MBP: variants seen among roughly 807,000 people sequenced by gnomAD.
The protein encoded by MBP is myelin basic protein, also known as Golli-MBP.
Under a neutral mutation model 35.8 loss-of-function variants are expected in MBP, and 16 were observed. The observed-to-expected ratio is 0.45, with a 90% CI of 0.30 to 0.68. The LOEUF (loss-of-function observed/expected upper bound fraction) is 0.68. Ranked by LOEUF, MBP falls within the 30% of genes least tolerant of loss-of-function variation. The pLI, the probability that MBP is intolerant of heterozygous loss-of-function variation, is 0.08. For missense variants in MBP, 380 were observed against 404.7 expected (o/e 0.94, Z 0.52); for synonymous variants, 143 against 159.6 (o/e 0.90, Z 0.78).
intron 3 of MBP, among the ~76,000 whole-genome samples, chr18:77,050,046 C>A (rs904634207): frequency 6.6e-6 from 1 of 152,208 alleles, no homozygotes; most frequent in Non-Finnish European, 1.5e-5. Context: ...GTGCTATTTT[C>A]ATTTTTTACT....
chr18:77,046,044 T>A (rs943351055), intron 3 of MBP, among the ~76,000 whole-genome samples: 4 of 152,240 alleles, frequency 2.6e-5, no homozygotes, highest in Non-Finnish European at 5.9e-5. Flanking sequence ...TAATATTATA[T>A]GAACTAGAAA....
chr18:77,032,984 T>A (rs4890879), intron 3 of MBP, among the ~76,000 whole-genome samples: 64,648 of 152,046 alleles, frequency 0.43, 14,762 homozygotes, highest in East Asian at 0.51. Context: ...TTTTTATTTT[T>A]TGAGGCTGAG....
At chr18:77,098,055 C>T (rs1426570174) in intron 2 of MBP, among the ~76,000 whole-genome samples, 2 of 152,128 alleles carry the variant, frequency 1.3e-5, no homozygotes, top group Non-Finnish European at 2.9e-5. Flanking sequence ...CCCAGGGAGT[C>T]CTGCTTCTGT....
chr18:77,010,002 T>C, intron 4 of MBP: 1 of 1,031,754 alleles, frequency 9.7e-7, no homozygotes, highest in Non-Finnish European at 1.5e-6. Flanking sequence ...CTCCAGCAAA[T>C]CTCCTCTAGA....
chr18:77,027,690 A>ATTAT (rs1168543063), intron 3 of MBP, among the ~76,000 whole-genome samples: 1 of 152,172 alleles, frequency 6.6e-6, no homozygotes, highest in Non-Finnish European at 1.5e-5. Context: ...ACAGAAAAAA[A>ATTAT]TTATTTATTT....
At chr18:76,999,491 T>A (rs1970517683) in intron 4 of MBP, among the ~76,000 whole-genome samples, 1 of 151,788 alleles carries the variant, frequency 6.6e-6, no homozygotes, top group African/African-American at 2.4e-5. Flanking sequence ...AGTCTCACTC[T>A]GTTGTCCAGG....
chr18:77,009,839 G>A lies in MBP; in HGVS notation c.576+6993C>T, dbSNP rs376863446. 1.6e-4 allele frequency: 250 copies of A among 1,572,538 alleles called. No individual in the cohort carries two copies. The East Asian group carries it at 3.0e-3, about 19-fold the overall frequency. The stretch of plus-strand genomic sequence containing the variant: ...TGGCCCCGATGGGTGAGGACCCGCC[G>A]GCGTCTTACCTTGTACATGTTGCAC... On this transcript the variant is annotated intron_variant, in intron 4 of 8. Coordinates refer to ENST00000355994, the MANE Select transcript of MBP (RefSeq NM_001025101.2).
At chr18:76,998,580 C>T (rs531788597) in intron 4 of MBP, among the ~76,000 whole-genome samples, 1 of 152,314 alleles carries the variant, frequency 6.6e-6, no homozygotes, top group African/African-American at 2.4e-5. Context: ...CTCCTTTCCC[C>T]AACAGCCTGA....
At chr18:77,075,118 GGCTTCTGTCACGGCAGGTGGAATCACT>G (rs1974600806) in intron 2 of MBP, among the ~76,000 whole-genome samples, 1 of 152,190 alleles carries the variant, frequency 6.6e-6, no homozygotes, top group South Asian at 2.1e-4. Flanking sequence ...GAGGAGAAAG[GGCTTCTGTCACGGCAGGTGGAATCACT>G]GAAGTATCTA....
intron 2 of MBP, among the ~76,000 whole-genome samples, chr18:77,096,641 T>C (rs1975769155): frequency 6.6e-6 from 1 of 152,190 alleles, no homozygotes; most frequent in Admixed American, 6.5e-5. Context: ...TGTAGAACCT[T>C]TTTGAGCCTG....
chr18:77,024,197 A>G (rs1972106863), intron 3 of MBP, among the ~76,000 whole-genome samples: 2 of 152,232 alleles, frequency 1.3e-5, no homozygotes, highest in Non-Finnish European at 1.5e-5. Flanking sequence ...ATGCCTTTGA[A>G]CGCAGCCCAA....
intron 2 of MBP, among the ~76,000 whole-genome samples, chr18:77,066,988 T>C (rs1385899802): frequency 6.6e-6 from 1 of 152,250 alleles, no homozygotes; most frequent in African/African-American, 2.4e-5. Context: ...TGCCTGTCGT[T>C]TGGGGCCCGA....
chr18:77,059,665 C>T (rs1293866651), intron 3 of MBP, among the ~76,000 whole-genome samples: 1 of 152,036 alleles, frequency 6.6e-6, no homozygotes, highest in Non-Finnish European at 1.5e-5. Flanking sequence ...GATGCAAAAG[C>T]AGACATGGAT....
At chr18:76,986,183 T>C in intron 7 of MBP, 2 of 985,384 alleles carry the variant, frequency 2.0e-6, no homozygotes, top group Non-Finnish European at 2.4e-6. Flanking sequence ...GCCTCCTGAG[T>C]CTCTACTCAA....
intron 8 of MBP, chr18:76,981,933 C>T (rs1031008776): frequency 2.0e-5 from 3 of 152,250 alleles, no homozygotes; most frequent in African/African-American, 7.2e-5. Context: ...AAACAAAGTG[C>T]TTCTGTGCTG....
At position 76,979,824 on chromosome 18, in the gene MBP, T is replaced by C; in HGVS notation, c.*603A>G. 1.6e-6 allele frequency: 1 copy of C among 629,208 alleles called. No individual in the cohort carries two copies. The highest frequency in any genetic ancestry group is 2.9e-6 in the Non-Finnish European group (1 of 350,838). 39.0% of individuals were successfully genotyped at this position (629,208 alleles called of 1,614,324 possible). A position where few individuals can be genotyped will look rare whatever the true frequency, so the allele number is the denominator to read the frequency against. On this transcript the variant is annotated 3_prime_UTR_variant, in exon 9 of 9. Transcript: ENST00000355994. The stretch of plus-strand genomic sequence containing the variant: ...TGGGGAGGTGGCCCCCTCTCTGTGC[T>C]GCCCCACGTTGGACTCTAACAGCTG...
At chr18:77,028,775 G>GT (rs1972375793) in intron 3 of MBP, among the ~76,000 whole-genome samples, 1 of 103,486 alleles carries the variant, frequency 9.7e-6, no homozygotes, top group Non-Finnish European at 2.5e-5. Context: ...CCTCCCGGAC[G>GT]GGGTGGCTGC....
At chr18:77,014,750 C>A in intron 4 of MBP, 1 of 985,302 alleles carries the variant, frequency 1.0e-6, no homozygotes, top group Non-Finnish European at 1.2e-6. Context: ...CCACTGCGTG[C>A]GCTCCCCCGG....
chr18:76,991,413 G>T (rs1969908935), intron 4 of MBP, among the ~76,000 whole-genome samples: 1 of 152,128 alleles, frequency 6.6e-6, no homozygotes, highest in Non-Finnish European at 1.5e-5. Flanking sequence ...GGACATGGGG[G>T]CAGGTGACAC....
Sources: gnomAD v4.1 joint callset for allele counts (sites outside exome capture counted in the v4.1 genomes callset) on GRCh38, gnomAD v4.1.1 for gene constraint, MANE v1.5 for transcripts, NCBI Gene and HGNC (gene_info 2026-07-23, HGNC 2026-07-21) for gene names.